Variants in MARK3 observed in about 807,000 individuals in gnomAD.
The protein encoded by MARK3 is MAP/microtubule affinity-regulating kinase 3.
A neutral mutation model predicts 90.1 loss-of-function variants in MARK3; 46 were observed. The observed-to-expected ratio is 0.51, with a 90% CI of 0.40 to 0.65. The LOEUF is 0.65. Ranked by LOEUF, MARK3 falls within the 30% of genes least tolerant of loss-of-function variation. MARK3 has a pLI of 0.00. For missense variants in MARK3, 818 were observed against 947.2 expected, an observed-to-expected ratio of 0.86 and a Z score of 1.79; for synonymous variants, 321 against 332.6, an observed-to-expected ratio of 0.97 and a Z score of 0.38.
At chr14:103,426,328 C>T (rs1283176597) in intron 2 of MARK3, among the ~76,000 whole-genome samples, 13 of 139,824 alleles carry the variant, frequency 9.3e-5, no homozygotes, top group Non-Finnish European at 2.0e-4. Context: ...GGTAGATATT[C>T]GTTGATACAA....
At chr14:103,445,316 A>G (rs148761905) in intron 3 of MARK3, among the ~76,000 whole-genome samples, 385 of 152,316 alleles carry the variant, frequency 2.5e-3, no homozygotes, top group African/African-American at 8.8e-3. Flanking sequence ...ATCTGGCTCT[A>G]TGCGTCAGAC....
chr14:103,479,628 C>CTTT (rs34768749), intron 13 of MARK3, among the ~76,000 whole-genome samples: 4,654 of 78,186 alleles, frequency 0.06, 613 homozygotes, highest in African/African-American at 0.11. Flanking sequence ...ATACGTATAG[C>CTTT]TTTTTTTTTT....
At position 103,399,446 on chromosome 14, in the gene MARK3, A is replaced by G. The variant is rs367917346; in HGVS notation, c.52-5630A>G. ...AATTTGGGGTAGGGTGCGGTGGCTC[A>G]CACCTGTAATCCCAGCACTTTGGGA... is the stretch of plus-strand genomic sequence containing the variant. On this transcript the variant is annotated intron_variant, in intron 1 of 17. Coordinates refer to ENST00000429436, the MANE Select transcript of MARK3 (RefSeq NM_001128918.3). 2.6e-5 allele frequency among the ~76,000 whole-genome samples: 4 copies of G among 152,296 alleles called. No homozygotes were observed. In the East Asian group the frequency reaches 7.7e-4, roughly 29 times the overall value.
At chr14:103,386,274 C>T (rs892284802) in intron 1 of MARK3, 194 bp downstream of exon 1, 7 of 709,350 alleles carry the variant, frequency 9.9e-6, no homozygotes, top group Admixed American at 4.0e-5. Flanking sequence ...GCGGGCGGGT[C>T]TGCGAAGTAC....
At chr14:103,424,401 T>C (rs1407045094) in intron 2 of MARK3, among the ~76,000 whole-genome samples, 5 of 151,728 alleles carry the variant, frequency 3.3e-5, no homozygotes, top group African/African-American at 1.2e-4. Flanking sequence ...GGCACGTGCC[T>C]ATAGTTCCAT....
At chr14:103,447,865 C>G (rs985386457) in intron 3 of MARK3, among the ~76,000 whole-genome samples, 1 of 152,100 alleles carries the variant, frequency 6.6e-6, no homozygotes, top group East Asian at 1.9e-4. Flanking sequence ...CCTCCACTTC[C>G]CAGGCTCAAG....
At chr14:103,412,456 C>T (rs911948546) in intron 2 of MARK3, 2 of 542,504 alleles carry the variant, frequency 3.7e-6, no homozygotes, top group African/African-American at 1.9e-5. Context: ...CATCATACTT[C>T]TTGGCCAGCT....
At chr14:103,433,277 G>A (rs948880092) in intron 3 of MARK3, among the ~76,000 whole-genome samples, 15 of 151,434 alleles carry the variant, frequency 9.9e-5, no homozygotes, top group African/African-American at 3.6e-4. Flanking sequence ...GTAGAGACAG[G>A]GTTTCACCAT....
intron 2 of MARK3, among the ~76,000 whole-genome samples, chr14:103,418,055 CA>C (rs2092028461): frequency 6.6e-6 from 1 of 151,972 alleles, no homozygotes; most frequent in Non-Finnish European, 1.5e-5. Flanking sequence ...GGTGACAGAG[CA>C]AAACTCTGTC....
rs367977050 is a variant in MARK3 at position 103,465,981 on chromosome 14, G to C, written c.787G>C (p.Glu263Gln). 5.6e-6 allele frequency: 9 copies of C among 1,613,192 alleles called. No homozygotes were observed. Among genetic ancestry groups the C allele is most frequent in the Non-Finnish European group, 7.6e-6 (9 of 1,179,762 alleles). The change falls in exon 9 of 18, where the codon GAG becomes CAG. Residue 263 changes from glutamate (E) to glutamine (Q), a missense_variant. By Grantham distance (29) the Glu-to-Gln change is conservative (BLOSUM62 2). This residue lies in a region of MARK3 where 101 missense variants were observed against 175.1 expected (regional missense o/e 0.58). Transcript: ENST00000429436. ...CTGTACCTCTCCAAAGGAACTGAGA[G>C]AGAGAGTATTAAGAGGGAAATACAG... ...FDGQNLKELR[E>Q]RVLRGKYRIP...
chr14:103,462,528 A>G (rs1779168226), intron 7 of MARK3, 67 bp downstream of exon 7: 2 of 1,213,378 alleles, frequency 1.6e-6, no homozygotes, highest in African/African-American at 1.5e-5. Flanking sequence ...AGTGGTCATT[A>G]CACAAATGAG....
intron 2 of MARK3, chr14:103,412,911 G>A: frequency 3.1e-6 from 1 of 321,136 alleles, no homozygotes; most frequent in Non-Finnish European, 5.9e-6. Context: ...TTTCGCTCTT[G>A]TTGCCCAGGC....
chr14:103,429,771 A>T lies in MARK3; in HGVS notation c.297+1331A>T, dbSNP rs183664020. Among the ~76,000 whole-genome samples, 478 of 152,306 alleles carry T rather than the reference A, an allele frequency of 3.1e-3. 3 individuals are homozygous for T. Among genetic ancestry groups the T allele is most frequent in the African/African-American group, 0.011 (459 of 41,576 alleles). On this transcript the variant is annotated intron_variant, in intron 3 of 17. Transcript: ENST00000429436. Reference sequence around the variant, plus strand: ...AATAAATACATTAGAGTTTAATACAATGTGGTATTCAGAACTAAAATTAAC... The same window carrying T: ...AATAAATACATTAGAGTTTAATACATTGTGGTATTCAGAACTAAAATTAAC...
chr14:103,474,999 C>G lies in MARK3; in HGVS notation c.1271C>G (p.Pro424Arg). The part of the protein sequence containing the change: ...KQRRYSDHAG[P>R]AIPSVVAYPK... ...AATGAACTCTTTATTTTAGCTGGAC[C>G]AGCTATTCCTTCTGTTGTGGCGTAT... Residue 424 changes from proline to arginine, a missense_variant, in exon 13 of 18, where the codon CCA becomes CGA. Pro to Arg is a moderately radical substitution (Grantham distance 103). Transcript: ENST00000429436. 6.2e-7 allele frequency: 1 copy of G among 1,609,992 alleles called. No homozygotes were observed. The highest frequency in any genetic ancestry group is 8.5e-7 in the Non-Finnish European group (1 of 1,176,540).
At chr14:103,496,026 A>C (rs2075317850) in intron 15 of MARK3, among the ~76,000 whole-genome samples, 1 of 152,142 alleles carries the variant, frequency 6.6e-6, no homozygotes, top group Non-Finnish European at 1.5e-5. Flanking sequence ...GGCTATTTGT[A>C]GTCGGGAGCA....
chr14:103,423,589 A>G (rs1269721281), intron 2 of MARK3, among the ~76,000 whole-genome samples: 1 of 152,104 alleles, frequency 6.6e-6, no homozygotes, highest in African/African-American at 2.4e-5. Context: ...GCAATCGGGG[A>G]TACCCCAGTT....
intron 2 of MARK3, among the ~76,000 whole-genome samples, chr14:103,426,415 A>G (rs1038954485): frequency 6.6e-6 from 1 of 151,898 alleles, no homozygotes; most frequent in Non-Finnish European, 1.5e-5. Context: ...ATGTAGAGAA[A>G]CTCCAAGCTC....
chr14:103,491,032 T>A (rs1566936195), intron 14 of MARK3: 1 of 1,288,748 alleles, frequency 7.8e-7, no homozygotes, highest in Non-Finnish European at 1.0e-6. Flanking sequence ...CAGAAGTCGA[T>A]GTCCATGTCA....
intron 10 of MARK3, 74 bp from the exon 11 acceptor site, chr14:103,467,004 CA>C (rs11320440): frequency 0.52 from 218,226 of 422,702 alleles, 38,619 homozygotes; most frequent in African/African-American, 0.67. Context: ...AACTCCGTCT[CA>C]AAAAAAAAAA....
Sources: allele counts gnomAD v4.1 joint callset (sites outside exome capture counted in the v4.1 genomes callset), GRCh38; gene constraint gnomAD v4.1.1; regional missense constraint gnomAD v4.1.1; transcripts MANE v1.5; gene names NCBI Gene and HGNC (gene_info 2026-07-23, HGNC 2026-07-21).